Variants in CYFIP2 observed in about 807,000 individuals in gnomAD.
CYFIP2 encodes the protein cytoplasmic FMR1-interacting protein 2.
CYFIP2 carries 29 observed loss-of-function variants against 158.7 expected under a neutral mutation model. The ratio of observed to expected loss-of-function variants is 0.18; its 90% CI spans 0.14 to 0.25. The LOEUF is 0.25. CYFIP2 is among the 10% of genes least tolerant of loss of function. The pLI is 1.00. For missense variants in CYFIP2, 852 were observed against 1,639.5 expected, an observed-to-expected ratio of 0.52 and a Z score of 8.29; for synonymous variants, 585 against 617.6, an observed-to-expected ratio of 0.95 and a Z score of 0.78.
At chr5:157,322,882 C>G (rs1388252250) in intron 15 of CYFIP2, 23 of 1,443,116 alleles carry the variant, frequency 1.6e-5, no homozygotes, top group Non-Finnish European at 2.2e-5. Context: ...CTCTCTCTCC[C>G]TCTTCCCTGT....
In CYFIP2 at chr5:157,383,266, G is replaced by A; in HGVS notation, c.3114G>A (p.Glu1038=). Residue 1038 remains glutamate, a splice_region_variant and synonymous_variant, in exon 28 of 31, where the codon GAG becomes GAA. Transcript: ENST00000620254. Reference sequence around the variant, plus strand: ...TCTGCTCTGCGACTCCTTTTGCAGAGGGGGAGCGCCTGGAGGTCCGGATGA... The same window carrying A: ...TCTGCTCTGCGACTCCTTTTGCAGAAGGGGAGCGCCTGGAGGTCCGGATGA... ...QNILPRVYIK[E]GERLEVRMKR... 2 of 1,613,606 alleles carry A rather than the reference G, an allele frequency of 1.2e-6. No individual in the cohort carries two copies. The highest frequency in any genetic ancestry group is 2.2e-5 in the East Asian group (1 of 44,872).
chr5:157,353,386 C>T (rs1258017834), intron 23 of CYFIP2, among the ~76,000 whole-genome samples: 2 of 152,154 alleles, frequency 1.3e-5, no homozygotes, highest in Non-Finnish European at 2.9e-5. Context: ...TTATTCATAG[C>T]CCAGGAGAGA....
chr5:157,333,746 A>G (rs1581082765), intron 21 of CYFIP2, among the ~76,000 whole-genome samples: 1 of 152,196 alleles, frequency 6.6e-6, no homozygotes, highest in Admixed American at 6.5e-5. Flanking sequence ...GAGGGGTCCT[A>G]AGAAGCTAGG....
intron 26 of CYFIP2, among the ~76,000 whole-genome samples, chr5:157,374,648 C>T (rs1378112346): frequency 1.3e-5 from 2 of 152,172 alleles, no homozygotes; most frequent in Non-Finnish European, 2.9e-5. Flanking sequence ...CCCACTTCCA[C>T]CTGGTCAGAT....
chr5:157,315,308 T>C (rs1760051965), intron 13 of CYFIP2, among the ~76,000 whole-genome samples: 1 of 148,128 alleles, frequency 6.8e-6, no homozygotes, highest in African/African-American at 2.6e-5. Context: ...AAACATCCAT[T>C]CCACTGGAAA....
At chr5:157,349,248 A>G (rs1762907981) in intron 23 of CYFIP2, among the ~76,000 whole-genome samples, 1 of 152,232 alleles carries the variant, frequency 6.6e-6, no homozygotes, top group Non-Finnish European at 1.5e-5. Flanking sequence ...GCTATGCCCA[A>G]TGTGTAGTCT....
Position 157,342,945 on chromosome 5 carries a change from C to T in CYFIP2, c.2673+1788C>T, listed in dbSNP as rs1762387205. On this transcript the variant is annotated intron_variant, in intron 23 of 30. Coordinates refer to ENST00000620254, the MANE Select transcript of CYFIP2 (RefSeq NM_001037333.3). ...CCCGCATCAGGGGCATCCTGGTTGG[C>T]TTCGGGATCCAGTTCAGCTCCATCT... The T allele has an allele frequency of 6.2e-7, 1 of 1,614,106 alleles. No homozygotes were observed. The highest frequency in any genetic ancestry group is 1.1e-5 in the South Asian group (1 of 91,080).
chr5:157,350,837 C>A (rs1763020185), intron 23 of CYFIP2, among the ~76,000 whole-genome samples: 4 of 152,148 alleles, frequency 2.6e-5, no homozygotes. Context: ...TTGTAGAGGT[C>A]TTTCACCTCC....
At chr5:157,323,888 T>C in intron 15 of CYFIP2, 33 bp from the exon 16 acceptor site, 2 of 1,519,838 alleles carry the variant, frequency 1.3e-6, no homozygotes, top group Non-Finnish European at 1.8e-6. Context: ...GAGGGCCAGC[T>C]TCTGACCTTC....
intron 6 of CYFIP2, among the ~76,000 whole-genome samples, chr5:157,301,799 G>T (rs966885152): frequency 6.6e-6 from 1 of 152,120 alleles, no homozygotes; most frequent in Non-Finnish European, 1.5e-5. Flanking sequence ...GACTGAAAGT[G>T]GGGGAGGAGT....
rs139063462 is a variant in CYFIP2 at position 157,278,273 on chromosome 5, G to A, written c.-23-7066G>A. Among the ~76,000 whole-genome samples, 38 of 152,148 alleles carry A rather than the reference G, an allele frequency of 2.5e-4. 1 individual carries two copies. The East Asian group carries it at 4.1e-3, about 16-fold the overall frequency. ...TACTTATATAGCCTCTGGCTGGAGC[G>A]CCATACGGACATGGAAAATATTTCC... is the stretch of plus-strand genomic sequence containing the variant. On this transcript the variant is annotated intron_variant, in intron 1 of 30. Transcript: ENST00000620254.
intron 2 of CYFIP2, among the ~76,000 whole-genome samples, chr5:157,286,284 CAT>C (rs1344983684): frequency 1.3e-5 from 2 of 151,348 alleles, no homozygotes; most frequent in South Asian, 2.1e-4. Flanking sequence ...TATACAAAAA[CAT>C]ATAAATTTTT....
Position 157,326,276 on chromosome 5 carries a change from T to A in CYFIP2, c.2079+9T>A. The A allele has an allele frequency of 6.2e-7, 1 of 1,606,038 alleles. No individual in the cohort carries two copies. The highest frequency in any genetic ancestry group is 8.5e-7 in the Non-Finnish European group (1 of 1,172,790). ...ATGAGATAGAAGCTGAGGCAAGTGA[T>A]GTGCTTCTCTTTTTGCTCCTTTAAT... On this transcript the variant is annotated intron_variant, in intron 18 of 30. Coordinates refer to ENST00000620254, the MANE Select transcript of CYFIP2 (RefSeq NM_001037333.3).
chr5:157,296,458 G>A (rs1479767118), intron 4 of CYFIP2: 1 of 539,046 alleles, frequency 1.9e-6, no homozygotes, highest in Non-Finnish European at 3.6e-6. Context: ...GCTGGATATA[G>A]TGTTGCATGC....
chr5:157,368,902 GTT>G (rs57932474), intron 26 of CYFIP2, among the ~76,000 whole-genome samples: 43 of 143,320 alleles, frequency 3.0e-4, no homozygotes, highest in Middle Eastern at 3.5e-3. Flanking sequence ...TTGTTTTTTT[GTT>G]TTTTTTTTTT....
intron 5 of CYFIP2, among the ~76,000 whole-genome samples, chr5:157,298,799 T>G (rs752852044): frequency 1.3e-5 from 2 of 152,220 alleles, no homozygotes; most frequent in African/African-American, 2.4e-5. Flanking sequence ...GGACATTTCA[T>G]ATAAACTGAA....
chr5:157,364,204 C>CGG (rs926942944), intron 26 of CYFIP2: 43 of 38,332 alleles, frequency 1.1e-3, no homozygotes, highest in Middle Eastern at 0.014. Flanking sequence ...GGCGGGGTGG[C>CGG]GGGGGGGGGT....
At chr5:157,364,207 G>C (rs1408215544) in intron 26 of CYFIP2, 5 of 145,268 alleles carry the variant, frequency 3.4e-5, no homozygotes, top group East Asian at 2.2e-4. Flanking sequence ...GGGGTGGCGG[G>C]GGGGGGTGGG....
At chr5:157,372,957 A>T (rs1699369632) in intron 26 of CYFIP2, among the ~76,000 whole-genome samples, 1 of 152,186 alleles carries the variant, frequency 6.6e-6, no homozygotes, top group Non-Finnish European at 1.5e-5. Context: ...TGTTTAAGAG[A>T]AATGTCTCAA....
Sources: allele counts gnomAD v4.1 joint callset (sites outside exome capture counted in the v4.1 genomes callset), GRCh38; gene constraint gnomAD v4.1.1; transcripts MANE v1.5; gene names NCBI Gene and HGNC (gene_info 2026-07-23, HGNC 2026-07-21).